Variants in RBL1 observed in about 807,000 individuals in gnomAD.
RBL1 encodes RB transcriptional corepressor like 1.
In RBL1, 82 loss-of-function variants were observed where a neutral mutation model predicts 123.0. The ratio of observed to expected loss-of-function variants is 0.67; its 90% CI spans 0.56 to 0.80. The LOEUF (loss-of-function observed/expected upper bound fraction) is 0.80, where lower values mean the gene tolerates loss of function less well. Among genes scored for constraint, RBL1 ranks in the 30% least tolerant of loss-of-function variants. The pLI, the probability that RBL1 is intolerant of heterozygous loss-of-function variation, is 0.00. For synonymous variants in RBL1, 405 were observed against 441.3 expected (o/e 0.92, Z 1.03); for missense variants, 1,171 against 1,299.6 (o/e 0.90, Z 1.52).
intron 2 of RBL1, among the ~76,000 whole-genome samples, chr20:37,069,945 G>A (rs1432077850): frequency 6.6e-6 from 1 of 152,100 alleles, no homozygotes; most frequent in Non-Finnish European, 1.5e-5. Flanking sequence ...CCCTCTGCCC[G>A]GCCACCACCC....
At chr20:37,079,743 T>C (rs2065419944) in intron 2 of RBL1, among the ~76,000 whole-genome samples, 1 of 152,078 alleles carries the variant, frequency 6.6e-6, no homozygotes, top group Non-Finnish European at 1.5e-5. Flanking sequence ...CCACCTCGGC[T>C]TCCCAAAGCG....
At chr20:37,059,705 A>G (rs1478787783) in intron 9 of RBL1, among the ~76,000 whole-genome samples, 1 of 152,134 alleles carries the variant, frequency 6.6e-6, no homozygotes, top group Admixed American at 6.5e-5. Flanking sequence ...GAAATTTGTC[A>G]TGAAATCATA....
chr20:37,004,530 T>G (rs1283482856), intron 20 of RBL1, among the ~76,000 whole-genome samples: 1 of 150,040 alleles, frequency 6.7e-6, no homozygotes, highest in Non-Finnish European at 1.5e-5. Context: ...CTGGCCAACA[T>G]GGTGAAACTC....
chr20:37,016,811 G>A (rs563737536), intron 19 of RBL1, among the ~76,000 whole-genome samples: 3 of 151,974 alleles, frequency 2.0e-5, no homozygotes, highest in African/African-American at 7.2e-5. Flanking sequence ...AGGAGCACCG[G>A]AGGTCAGGGC....
intron 20 of RBL1, among the ~76,000 whole-genome samples, chr20:37,006,795 C>T (rs1432711696): frequency 4.1e-5 from 6 of 146,420 alleles, no homozygotes; most frequent in Admixed American, 2.7e-4. Flanking sequence ...GAGCTGAGAT[C>T]GCACCACTGC....
intron 2 of RBL1, among the ~76,000 whole-genome samples, chr20:37,079,319 A>C (rs924150280): frequency 2.6e-5 from 4 of 152,074 alleles, no homozygotes. Flanking sequence ...CCCAAGATCT[A>C]AACCAGCTGT....
intron 2 of RBL1, among the ~76,000 whole-genome samples, chr20:37,086,000 C>A (rs2065539972): frequency 6.6e-6 from 1 of 152,134 alleles, no homozygotes. Flanking sequence ...GGCTGGAGTG[C>A]AGTGGCGCTA....
At chr20:37,063,233 A>G (rs1487985505) in intron 7 of RBL1, among the ~76,000 whole-genome samples, 3 of 152,222 alleles carry the variant, frequency 2.0e-5, no homozygotes, top group East Asian at 1.9e-4. Flanking sequence ...TTGTGCCACC[A>G]TGCCCGGATA....
chr20:37,003,506 C>T, intron 21 of RBL1, 196 bp downstream of exon 21: 1 of 1,083,324 alleles, frequency 9.2e-7, no homozygotes, highest in Non-Finnish European at 1.2e-6. Context: ...TCCACAAATA[C>T]CATGTCAATA....
intron 13 of RBL1, 54 bp downstream of exon 13, chr20:37,044,032 G>GTTT: frequency 1.9e-6 from 2 of 1,048,152 alleles, no homozygotes; most frequent in East Asian, 2.7e-5. Context: ...CAATAAAGCT[G>GTTT]GTTTTTTTTT....
rs1448554261 is a variant in RBL1, at chr20:37,059,374, AATATTC to A, written c.1250+1723_1250+1728del. Among the ~76,000 whole-genome samples the A allele has an allele frequency of 5.3e-5, 8 of 152,174 alleles. No homozygotes were observed. In the East Asian group the frequency reaches 9.6e-4, roughly 18 times the overall value. On this transcript the variant is annotated intron_variant, in intron 9 of 21. Coordinates refer to ENST00000373664, the MANE Select transcript of RBL1 (RefSeq NM_002895.5). ...CGCTTTGTCTTCTGAGATTTAGTTA[AATATTC>A]CTATTCTAGGGTTCACTATTCCTAG... is the stretch of plus-strand genomic sequence containing the variant.
intron 7 of RBL1, among the ~76,000 whole-genome samples, chr20:37,064,499 T>G (rs1033028749): frequency 3.9e-5 from 6 of 152,208 alleles, no homozygotes; most frequent in Admixed American, 3.3e-4. Flanking sequence ...ATCCTAGCAC[T>G]TTGGGAGGCT....
At chr20:37,035,948 C>T (rs891141912) in intron 14 of RBL1, among the ~76,000 whole-genome samples, 2 of 152,116 alleles carry the variant, frequency 1.3e-5, no homozygotes, top group Non-Finnish European at 1.5e-5. Flanking sequence ...CAGTTTAAGG[C>T]GGTAGCTCTG....
intron 2 of RBL1, among the ~76,000 whole-genome samples, chr20:37,082,211 C>G (rs1238140311): frequency 1.3e-5 from 2 of 152,062 alleles, no homozygotes; most frequent in Non-Finnish European, 1.5e-5. Flanking sequence ...GGCCAGCCAT[C>G]CCCCCTGCTG....
intron 16 of RBL1, among the ~76,000 whole-genome samples, chr20:37,031,647 G>C (rs1359256373): frequency 2.0e-5 from 3 of 152,244 alleles, no homozygotes; most frequent in Non-Finnish European, 4.4e-5. Flanking sequence ...TGGTACGGTG[G>C]TTCCTCAGAA....
intron 16 of RBL1, among the ~76,000 whole-genome samples, chr20:37,024,734 GTCTTATT>G (rs1346104362): frequency 6.6e-6 from 1 of 152,168 alleles, no homozygotes. Flanking sequence ...TCACCAAAAA[GTCTTATT>G]TCTGTCAAAC....
intron 2 of RBL1, among the ~76,000 whole-genome samples, chr20:37,070,502 T>C (rs2065267843): frequency 6.6e-6 from 1 of 150,828 alleles, no homozygotes; most frequent in Non-Finnish European, 1.5e-5. Context: ...AAACATAAAA[T>C]AAAATAAAAT....
intron 20 of RBL1, among the ~76,000 whole-genome samples, chr20:37,005,890 CTTTCTTTT>C (rs2064063184): frequency 9.8e-6 from 1 of 102,266 alleles, no homozygotes; most frequent in African/African-American, 4.4e-5. Context: ...TTTTTTTTTT[CTTTCTTTT>C]TTTTTTTTTT....
At chr20:37,066,046 G>A (rs2065172264) in intron 6 of RBL1, among the ~76,000 whole-genome samples, 1 of 152,198 alleles carries the variant, frequency 6.6e-6, no homozygotes, top group African/African-American at 2.4e-5. Context: ...ACCAGTAAGG[G>A]AAGAATTTAT....
Sources: allele counts gnomAD v4.1 joint callset (sites outside exome capture counted in the v4.1 genomes callset), GRCh38; gene constraint gnomAD v4.1.1; transcripts MANE v1.5; gene names NCBI Gene and HGNC (gene_info 2026-07-23, HGNC 2026-07-21).